Variants in HIF1A observed in about 807,000 individuals in gnomAD.
HIF1A encodes hypoxia-inducible factor 1-alpha.
A neutral mutation model predicts 92.7 loss-of-function variants in HIF1A; 24 were observed. That is an observed-to-expected ratio of 0.26 (90% CI 0.19 to 0.36). The LOEUF (loss-of-function observed/expected upper bound fraction) is 0.36. Ranked by LOEUF, HIF1A falls within the 10% of genes least tolerant of loss-of-function variation. The pLI is 1.00. For synonymous variants in HIF1A, 319 were observed against 338.7 expected, an observed-to-expected ratio of 0.94 and a Z score of 0.64; for missense variants, 799 against 998.5, an observed-to-expected ratio of 0.80 and a Z score of 2.69.
At chr14:61,721,158 T>C (rs2044422265) in intron 2 of HIF1A, among the ~76,000 whole-genome samples, 1 of 152,072 alleles carries the variant, frequency 6.6e-6, no homozygotes, top group Admixed American at 6.5e-5. Context: ...GGAGAATTGC[T>C]TAAACTCAGA....
intron 4 of HIF1A, among the ~76,000 whole-genome samples, chr14:61,724,349 T>TTCTCTCTCTCTCTCTCTCC (rs2044473011): frequency 1.0e-5 from 1 of 96,096 alleles, no homozygotes; most frequent in Admixed American, 1.3e-4. Flanking sequence ...CACACACACA[T>TTCTCTCTCTCTCTCTCTCC]TCTCTCTCTC....
At position 61,695,690 on chromosome 14, in the gene HIF1A, C is replaced by G; in HGVS notation, c.-115C>G. Reference sequence around the variant, plus strand: ...CACGAGGGGTTTCCCGCCTCGCACCCCCACCTCTGGACTTGCCTTTCCTTC... The same window carrying G: ...CACGAGGGGTTTCCCGCCTCGCACCGCCACCTCTGGACTTGCCTTTCCTTC... On this transcript the variant is annotated 5_prime_UTR_variant, in exon 1 of 15. Coordinates refer to ENST00000337138, the MANE Select transcript of HIF1A (RefSeq NM_001530.4). 1.7e-6 allele frequency: 2 copies of G among 1,144,272 alleles called. No individual in the cohort carries two copies. The highest frequency in any genetic ancestry group is 2.5e-6 in the Non-Finnish European group (2 of 807,166). The allele number at this position is 1,144,272 out of a possible 1,614,324, so 70.9% of individuals were successfully genotyped here.
At chr14:61,744,372 A>G (rs2140160583) in intron 12 of HIF1A, among the ~76,000 whole-genome samples, 1 of 152,156 alleles carries the variant, frequency 6.6e-6, no homozygotes, top group South Asian at 2.1e-4. Context: ...AAAAATATGT[A>G]TATATAAATT....
Position 61,707,181 on chromosome 14 carries a change from C to G in HIF1A, c.35+11342C>G, listed in dbSNP as rs145312644. ...TAGAGCAGAGGGGCTCAGAGTGGTC[C>G]CCAGATTATCATCATTGGTAACACC... On this transcript the variant is annotated intron_variant, in intron 1 of 14. Coordinates refer to ENST00000337138, the MANE Select transcript of HIF1A (RefSeq NM_001530.4). 4.4e-3 allele frequency among the ~76,000 whole-genome samples: 663 copies of G among 152,202 alleles called. 6 individuals carry two copies. Among genetic ancestry groups the G allele is most frequent in the African/African-American group, 0.015 (631 of 41,526 alleles).
intron 1 of HIF1A, among the ~76,000 whole-genome samples, chr14:61,711,654 A>G (rs967474522): frequency 2.0e-5 from 3 of 151,958 alleles, no homozygotes; most frequent in Admixed American, 6.6e-5. Flanking sequence ...GTTTTTTTCT[A>G]CTTCAGGAAG....
rs573879431 is a variant in HIF1A, at chr14:61,728,392, T to C, written c.773+737T>C. Among the ~76,000 whole-genome samples the C allele has an allele frequency of 9.8e-5, 15 of 152,346 alleles. No individual in the cohort carries two copies. The South Asian group carries it at 3.1e-3, about 32-fold the overall frequency. Reference sequence around the variant, plus strand: ...TATTACTATTTCCCACATTTCTTCCTGTAACTAATTCTATTTAATTGCCAA... The same window carrying C: ...TATTACTATTTCCCACATTTCTTCCCGTAACTAATTCTATTTAATTGCCAA... On this transcript the variant is annotated intron_variant, in intron 6 of 14. Coordinates refer to ENST00000337138, the MANE Select transcript of HIF1A (RefSeq NM_001530.4).
chr14:61,723,932 A>G (rs528985183), intron 4 of HIF1A, among the ~76,000 whole-genome samples: 1 of 152,354 alleles, frequency 6.6e-6, no homozygotes, highest in South Asian at 2.1e-4. Flanking sequence ...TCTTTTAGAA[A>G]TCAGGGACTA....
chr14:61,731,591 C>CT (rs1164082265), intron 6 of HIF1A, among the ~76,000 whole-genome samples: 2 of 151,316 alleles, frequency 1.3e-5, no homozygotes, highest in Admixed American at 1.3e-4. Flanking sequence ...TGTAGATGCT[C>CT]TTTGGTTGAT....
chr14:61,729,682 A>AT (rs1432806925), intron 6 of HIF1A, among the ~76,000 whole-genome samples: 1 of 152,096 alleles, frequency 6.6e-6, no homozygotes, highest in African/African-American at 2.4e-5. Flanking sequence ...ATTATTTTTT[A>AT]TTTTTTTGAA....
At chr14:61,730,280 T>G (rs954084809) in intron 6 of HIF1A, among the ~76,000 whole-genome samples, 1 of 152,218 alleles carries the variant, frequency 6.6e-6, no homozygotes, top group Non-Finnish European at 1.5e-5. Flanking sequence ...TCACTTTTCT[T>G]GCTCTAATAT....
In HIF1A at chr14:61,734,137, G is replaced by C. The variant is rs1472497107; in HGVS notation, c.881-1G>C. 2 of 1,550,704 alleles carry C rather than the reference G, an allele frequency of 1.3e-6. No homozygotes were observed. ...ATGATTCTTTTTCTTTTCCCCCCTA[G>C]TGTTTACTAAAGGACAAGTCACCAC... On this transcript the variant is annotated splice_acceptor_variant, in intron 7 of 14. Transcript: ENST00000337138. LOFTEE classifies it high-confidence loss of function.
At chr14:61,725,145 A>T (rs746993567) in intron 4 of HIF1A, among the ~76,000 whole-genome samples, 13 of 152,128 alleles carry the variant, frequency 8.5e-5, no homozygotes, top group African/African-American at 1.2e-4. Flanking sequence ...AGACTTCTTG[A>T]TTTCCCTTGA....
chr14:61,698,062 G>T (rs1406515249), intron 1 of HIF1A: 10 of 561,496 alleles, frequency 1.8e-5, no homozygotes, highest in Non-Finnish European at 2.5e-5. Flanking sequence ...AGATTTTTAA[G>T]GGAATGTCAA....
At chr14:61,709,304 C>T (rs531689489) in intron 1 of HIF1A, among the ~76,000 whole-genome samples, 1 of 152,200 alleles carries the variant, frequency 6.6e-6, no homozygotes, top group East Asian at 1.9e-4. Context: ...AATCTAAAAA[C>T]AAAAAGCACA....
intron 10 of HIF1A, chr14:61,740,088 C>G (rs1555584): frequency 0.94 from 116,124 of 123,098 alleles, 55,060 homozygotes; most frequent in Non-Finnish European, 0.99. Flanking sequence ...TTTTTTTTGA[C>G]ATGGAGTCTC....
intron 10 of HIF1A, 199 bp from the exon 11 acceptor site, chr14:61,740,306 C>T (rs1430189800): frequency 2.6e-6 from 1 of 388,382 alleles, no homozygotes; most frequent in Admixed American, 4.2e-5. Context: ...ACCTCATTAT[C>T]CCTCCACCTT....
intron 7 of HIF1A, among the ~76,000 whole-genome samples, chr14:61,733,151 T>C (rs2044596457): frequency 6.6e-6 from 1 of 152,138 alleles, no homozygotes. Flanking sequence ...AGTGGAGCAA[T>C]CTCAGCTCAC....
At chr14:61,698,499 TTGA>T (rs2044140897) in intron 1 of HIF1A, among the ~76,000 whole-genome samples, 1 of 152,250 alleles carries the variant, frequency 6.6e-6, no homozygotes, top group African/African-American at 2.4e-5. Flanking sequence ...TGCAGGAGTC[TTGA>T]TGACACTGTG....
intron 7 of HIF1A, among the ~76,000 whole-genome samples, 154 bp from the exon 8 acceptor site, chr14:61,733,984 G>A (rs1454305733): frequency 2.6e-5 from 4 of 152,180 alleles, no homozygotes; most frequent in African/African-American, 7.2e-5. Context: ...GCTATTCTGG[G>A]ACGCACTGTC....
Sources: gnomAD v4.1 joint callset for allele counts (sites outside exome capture counted in the v4.1 genomes callset) on GRCh38, gnomAD v4.1.1 for gene constraint, MANE v1.5 for transcripts, NCBI Gene and HGNC (gene_info 2026-07-23, HGNC 2026-07-21) for gene names.